The following UBE2E3 variants were observed in gnomAD, a reference collection of about 807,000 sequenced individuals.
The protein encoded by UBE2E3 is ubiquitin conjugating enzyme E2 E3.
Under a neutral mutation model 23.6 loss-of-function variants are expected in UBE2E3, and 5 were observed. That is an observed-to-expected ratio of 0.21 (90% CI 0.11 to 0.44). The LOEUF is 0.44. Ranked by LOEUF, UBE2E3 falls within the 20% of genes least tolerant of loss-of-function variation. The pLI, the probability that UBE2E3 is intolerant of heterozygous loss-of-function variation, is 0.99. For missense variants in UBE2E3, 81 were observed against 249.8 expected, an observed-to-expected ratio of 0.32 and a Z score of 4.55; for synonymous variants, 78 against 87.5, an observed-to-expected ratio of 0.89 and a Z score of 0.60.
intron 3 of UBE2E3, among the ~76,000 whole-genome samples, chr2:181,050,810 G>T (rs1686819802): frequency 6.6e-6 from 1 of 151,750 alleles, no homozygotes; most frequent in South Asian, 2.1e-4. Flanking sequence ...AAAGCACCTG[G>T]CAAAGAGTGG....
intron 3 of UBE2E3, among the ~76,000 whole-genome samples, chr2:180,991,719 T>TCTG (rs376186535): frequency 6.6e-6 from 1 of 151,876 alleles, no homozygotes; most frequent in African/African-American, 2.4e-5. Flanking sequence ...CCAAGAGAGT[T>TCTG]CTGCTGCTGC....
chr2:181,062,330 T>C (rs576231073), intron 5 of UBE2E3, among the ~76,000 whole-genome samples: 1 of 151,808 alleles, frequency 6.6e-6, no homozygotes, highest in South Asian at 2.1e-4. Flanking sequence ...TTTTCAAGTG[T>C]AAATATTGAT....
chr2:181,000,409 C>T (rs534030731), intron 3 of UBE2E3, among the ~76,000 whole-genome samples: 1 of 152,250 alleles, frequency 6.6e-6, no homozygotes, highest in Admixed American at 6.5e-5. Flanking sequence ...CTGGTTGAAT[C>T]TAAAATGTTA....
chr2:181,057,432 G>A (rs926623804), intron 3 of UBE2E3, among the ~76,000 whole-genome samples: 15 of 151,762 alleles, frequency 9.9e-5, no homozygotes, highest in African/African-American at 2.9e-4. Flanking sequence ...ATGGGGCAGA[G>A]CAGAATGCTA....
At chr2:181,032,050 A>T (rs1395055212) in intron 3 of UBE2E3, among the ~76,000 whole-genome samples, 1 of 152,156 alleles carries the variant, frequency 6.6e-6, no homozygotes, top group Non-Finnish European at 1.5e-5. Context: ...TCCATTAGGA[A>T]AATCTAGAAA....
At chr2:181,033,435 T>C (rs971088847) in intron 3 of UBE2E3, among the ~76,000 whole-genome samples, 15 of 152,176 alleles carry the variant, frequency 9.9e-5, no homozygotes, top group Admixed American at 5.9e-4. Context: ...GGGGAAAGGA[T>C]TTCCTATTTA....
intron 2 of UBE2E3, among the ~76,000 whole-genome samples, chr2:180,982,776 A>G (rs531734057): frequency 1.3e-5 from 2 of 152,318 alleles, no homozygotes; most frequent in South Asian, 2.1e-4. Context: ...ATCACAGGTA[A>G]CTTTCCTGGT....
intron 3 of UBE2E3, among the ~76,000 whole-genome samples, chr2:181,038,587 A>G (rs1477648232): frequency 6.6e-6 from 1 of 152,238 alleles, no homozygotes; most frequent in East Asian, 1.9e-4. Flanking sequence ...GACAAAAGCA[A>G]GAAATAAAAT....
intron 3 of UBE2E3, among the ~76,000 whole-genome samples, chr2:181,020,930 A>G (rs1685650913): frequency 6.6e-6 from 1 of 152,168 alleles, no homozygotes; most frequent in Non-Finnish European, 1.5e-5. Context: ...GGTAGAGGAT[A>G]GGAAAGGGGA....
intron 4 of UBE2E3, 30 bp downstream of exon 4, chr2:181,057,855 T>C (rs761414629): frequency 6.2e-7 from 1 of 1,602,284 alleles, no homozygotes; most frequent in South Asian, 1.1e-5. Context: ...TTCTTTAGTA[T>C]TTAATCCTTC....
At chr2:180,998,877 A>T (rs957894762) in intron 3 of UBE2E3, among the ~76,000 whole-genome samples, 9 of 152,250 alleles carry the variant, frequency 5.9e-5, no homozygotes, top group Admixed American at 4.6e-4. Context: ...TTTGAAAACC[A>T]TAATTAACTA....
intron 5 of UBE2E3, among the ~76,000 whole-genome samples, chr2:181,061,791 A>C (rs1027884198): frequency 4.1e-5 from 6 of 147,364 alleles, no homozygotes; most frequent in Non-Finnish European, 7.5e-5. Context: ...TTTTTTTTTA[A>C]GTTGACTTAC....
intron 3 of UBE2E3, among the ~76,000 whole-genome samples, chr2:181,051,862 G>C (rs1686852822): frequency 6.6e-6 from 1 of 151,764 alleles, no homozygotes; most frequent in Non-Finnish European, 1.5e-5. Context: ...ACTATTCTCT[G>C]TGTTTTCTAG....
At chr2:180,985,840 C>T (rs979811734) in intron 3 of UBE2E3, among the ~76,000 whole-genome samples, 4 of 152,078 alleles carry the variant, frequency 2.6e-5, no homozygotes, top group Non-Finnish European at 5.9e-5. Context: ...AACTAATGTA[C>T]GTGCATAAAT....
chr2:181,003,003 C>A (rs750599566), intron 3 of UBE2E3, among the ~76,000 whole-genome samples: 23 of 152,212 alleles, frequency 1.5e-4, no homozygotes, highest in African/African-American at 4.8e-4. Context: ...TGAAACACAT[C>A]TCTCTGCCCA....
chr2:180,997,171 GA>G (rs1684848637), intron 3 of UBE2E3, among the ~76,000 whole-genome samples: 1 of 150,810 alleles, frequency 6.6e-6, no homozygotes, highest in South Asian at 2.1e-4. Flanking sequence ...TTTTCTAAGA[GA>G]TTTTTTTAAG....
At chr2:181,021,598 CCCTTCCTTCCTT>C (rs1316418116) in intron 3 of UBE2E3, among the ~76,000 whole-genome samples, 1 of 98,374 alleles carries the variant, frequency 1.0e-5, no homozygotes. Flanking sequence ...CTTCCTCCCT[CCCTTCCTTCCTT>C]CCTCCCTCTC....
At chr2:181,038,815 AC>A (rs1686382479) in intron 3 of UBE2E3, among the ~76,000 whole-genome samples, 1 of 152,242 alleles carries the variant, frequency 6.6e-6, no homozygotes. Flanking sequence ...TGTATGAATA[AC>A]AGTGGTGCTT....
chr2:181,039,123 C>CTTT (rs11289425), intron 3 of UBE2E3, among the ~76,000 whole-genome samples: 12 of 66,240 alleles, frequency 1.8e-4, no homozygotes, highest in African/African-American at 2.4e-4. Flanking sequence ...AGAATGTGAC[C>CTTT]TTTTTTTTTT....
Sources: allele counts gnomAD v4.1 joint callset (sites outside exome capture counted in the v4.1 genomes callset), GRCh38; gene constraint gnomAD v4.1.1; transcripts MANE v1.5; gene names NCBI Gene and HGNC (gene_info 2026-07-23, HGNC 2026-07-21).